Variants in PRKN observed in about 807,000 individuals in gnomAD.
The protein encoded by PRKN is parkin RBR E3 ubiquitin protein ligase, also known as E3 ubiquitin-protein ligase parkin.
In PRKN, 56 loss-of-function variants were observed where a neutral mutation model predicts 59.5. That is an observed-to-expected ratio of 0.94 (90% confidence interval 0.76 to 1.18). PRKN has a LOEUF of 1.18. Among genes scored for constraint, PRKN ranks in the 50% most tolerant of loss-of-function variants. PRKN has a pLI of 0.00. For missense variants in PRKN, 657 were observed against 596.4 expected, an observed-to-expected ratio of 1.10 and a Z score of -1.06; for synonymous variants, 250 against 222.1, an observed-to-expected ratio of 1.13 and a Z score of -1.12.
At chr6:162,561,327 G>A (rs575956711) in intron 1 of PRKN, among the ~76,000 whole-genome samples, 96 of 152,256 alleles carry the variant, frequency 6.3e-4, no homozygotes, top group Middle Eastern at 6.8e-3. Flanking sequence ...TGAAGAGAAA[G>A]ACTGAGCGAA....
intron 2 of PRKN, among the ~76,000 whole-genome samples, chr6:162,352,378 G>C (rs557665347): frequency 6.6e-6 from 1 of 152,166 alleles, no homozygotes; most frequent in Admixed American, 6.5e-5. Context: ...AACAGAAAAG[G>C]CTGTGTGTCA....
intron 3 of PRKN, among the ~76,000 whole-genome samples, chr6:162,213,801 CCATACACACACACACACA>C (rs1223216514): frequency 1.2e-4 from 8 of 67,390 alleles, no homozygotes; most frequent in African/African-American, 3.4e-4. Context: ...CAAAAAAAAA[CCATACACACACACACACA>C]CACACACACA....
intron 3 of PRKN, among the ~76,000 whole-genome samples, chr6:162,207,370 C>G (rs1057384057): frequency 2.6e-5 from 4 of 151,910 alleles, no homozygotes; most frequent in Admixed American, 1.3e-4. Flanking sequence ...AGACTCTGTC[C>G]CCCCAACCAA....
At chr6:162,259,990 G>T (rs1479661193) in intron 3 of PRKN, among the ~76,000 whole-genome samples, 3 of 152,190 alleles carry the variant, frequency 2.0e-5, no homozygotes, top group Admixed American at 2.0e-4. Context: ...TTAACACAGA[G>T]TTAAATCTGA....
At chr6:161,884,970 T>C (rs530962173) in intron 6 of PRKN, among the ~76,000 whole-genome samples, 183 of 133,336 alleles carry the variant, frequency 1.4e-3, no homozygotes, top group Admixed American at 2.1e-3. Context: ...AATAAAACTT[T>C]ATTTACAAAA....
At chr6:162,653,975 A>G (rs2849544) in intron 1 of PRKN, among the ~76,000 whole-genome samples, 43,005 of 152,070 alleles carry the variant, frequency 0.28, 6,725 homozygotes, top group Non-Finnish European at 0.36. Context: ...GTACCTACTC[A>G]CTGGCACTCT....
intron 1 of PRKN, among the ~76,000 whole-genome samples, chr6:162,712,733 C>A (rs1351705000): frequency 6.6e-6 from 1 of 152,190 alleles, no homozygotes; most frequent in African/African-American, 2.4e-5. Flanking sequence ...ACAATCATCC[C>A]CATACTTAAT....
chr6:161,752,007 GGAGA>G (rs1197805429), intron 7 of PRKN, among the ~76,000 whole-genome samples: 3 of 152,230 alleles, frequency 2.0e-5, no homozygotes, highest in Non-Finnish European at 4.4e-5. Flanking sequence ...GGCAAGGGAA[GGAGA>G]GATATGAAAG....
chr6:162,010,649 T>A (rs867964366), intron 5 of PRKN, among the ~76,000 whole-genome samples: 1 of 4,664 alleles, frequency 2.1e-4, no homozygotes, highest in African/African-American at 4.1e-3. Context: ...TATAATATAT[T>A]ATATAATATA....
intron 4 of PRKN, among the ~76,000 whole-genome samples, chr6:162,178,026 A>G (rs886081714): frequency 1.3e-5 from 2 of 152,178 alleles, no homozygotes; most frequent in African/African-American, 4.8e-5. Flanking sequence ...TTAGGATTCT[A>G]TTTGGAGATC....
At chr6:161,861,104 C>G (rs1240998497) in intron 6 of PRKN, among the ~76,000 whole-genome samples, 1 of 152,196 alleles carries the variant, frequency 6.6e-6, no homozygotes, top group Non-Finnish European at 1.5e-5. Context: ...GATTATAAAT[C>G]ATTCTACTAT....
In PRKN at chr6:162,686,965, G is replaced by A. The variant is rs567755938; in HGVS notation, c.7+40697C>T. ...CAGGAAATGTGATGCCTGCAGCTTT[G>A]TTTTTGGTTGTTGTTGTTTTGTTTT... On this transcript the variant is annotated intron_variant, in intron 1 of 11. Transcript: ENST00000366898. Among the ~76,000 whole-genome samples the A allele has an allele frequency of 5.3e-5, 8 of 152,024 alleles. No homozygotes were observed. The South Asian group carries it at 1.7e-3, about 32-fold the overall frequency.
chr6:162,405,767 T>A (rs1191498707), intron 2 of PRKN, among the ~76,000 whole-genome samples: 1 of 151,992 alleles, frequency 6.6e-6, no homozygotes, highest in Non-Finnish European at 1.5e-5. Flanking sequence ...GAATGTGCCA[T>A]CCGCAAGCCA....
chr6:162,177,050 T>A (rs1436275427), intron 4 of PRKN, among the ~76,000 whole-genome samples: 4 of 148,604 alleles, frequency 2.7e-5, no homozygotes, highest in African/African-American at 9.9e-5. Flanking sequence ...CACAAAAAAA[T>A]AAATAAATGC....
intron 2 of PRKN, among the ~76,000 whole-genome samples, chr6:162,384,966 G>C (rs1786719569): frequency 1.3e-5 from 2 of 152,050 alleles, no homozygotes; most frequent in Admixed American, 1.3e-4. Flanking sequence ...TCCCACTTTA[G>C]TATGAAGGGG....
At chr6:161,739,082 A>C (rs1788083478) in intron 7 of PRKN, among the ~76,000 whole-genome samples, 1 of 152,102 alleles carries the variant, frequency 6.6e-6, no homozygotes, top group Admixed American at 6.5e-5. Flanking sequence ...ACTTCACTGG[A>C]TCCGTATTTT....
At chr6:162,336,668 T>A (rs1263913974) in intron 2 of PRKN, among the ~76,000 whole-genome samples, 1 of 152,224 alleles carries the variant, frequency 6.6e-6, no homozygotes, top group East Asian at 1.9e-4. Context: ...TCAACACTTA[T>A]TCTCAACAAC....
intron 6 of PRKN, among the ~76,000 whole-genome samples, chr6:161,866,946 A>G (rs528476937): frequency 3.9e-4 from 60 of 152,274 alleles, no homozygotes; most frequent in Non-Finnish European, 8.4e-4. Context: ...CTTAATTTAA[A>G]TAGAGTCCCA....
chr6:161,776,568 C>A (rs1389344059), intron 7 of PRKN, among the ~76,000 whole-genome samples: 1 of 152,176 alleles, frequency 6.6e-6, no homozygotes, highest in Admixed American at 6.5e-5. Flanking sequence ...TACAGACTGC[C>A]CACCCCAGAG....
Sources: gnomAD v4.1 joint callset for allele counts (sites outside exome capture counted in the v4.1 genomes callset) on GRCh38, gnomAD v4.1.1 for gene constraint, MANE v1.5 for transcripts, NCBI Gene and HGNC (gene_info 2026-07-23, HGNC 2026-07-21) for gene names.